AP3B1: variants seen among roughly 807,000 people sequenced by gnomAD.
The protein encoded by AP3B1 is adaptor related protein complex 3 subunit beta 1, also known as AP-3 complex subunit beta-1.
AP3B1 carries 61 observed loss-of-function variants against 132.5 expected under a neutral mutation model. The observed-to-expected ratio is 0.46, with a 90% confidence interval of 0.37 to 0.57. The LOEUF (loss-of-function observed/expected upper bound fraction) is 0.57. Among genes scored for constraint, AP3B1 ranks in the 20% least tolerant of loss-of-function variants. The probability of loss-of-function intolerance (pLI) is 0.00; values close to 1 mark genes in which losing one functional copy is unlikely to be tolerated. For missense variants in AP3B1, 1,120 were observed against 1,289.4 expected, an observed-to-expected ratio of 0.87 and a Z score of 2.01; for synonymous variants, 388 against 438.3, an observed-to-expected ratio of 0.89 and a Z score of 1.43.
intron 26 of AP3B1, among the ~76,000 whole-genome samples, chr5:78,011,486 C>G (rs1746625316): frequency 6.6e-6 from 1 of 152,210 alleles, no homozygotes. Flanking sequence ...AAAATTACAA[C>G]TAAAAATCAT....
At chr5:78,255,759 AG>A (rs1412128627) in intron 2 of AP3B1, among the ~76,000 whole-genome samples, 1 of 152,126 alleles carries the variant, frequency 6.6e-6, no homozygotes, top group Non-Finnish European at 1.5e-5. Context: ...ACATATTTAC[AG>A]AACCTTTTAT....
chr5:78,215,891 C>T (rs1256444371), intron 7 of AP3B1, among the ~76,000 whole-genome samples, 164 bp downstream of exon 7: 1 of 152,128 alleles, frequency 6.6e-6, no homozygotes, highest in Non-Finnish European at 1.5e-5. Context: ...ATTATGCTTG[C>T]ATTTATATTG....
chr5:78,261,686 G>A (rs926730285), intron 2 of AP3B1, among the ~76,000 whole-genome samples: 8 of 150,466 alleles, frequency 5.3e-5, no homozygotes, highest in African/African-American at 7.3e-5. Context: ...GGCTGGTCTC[G>A]AACTCCTGAC....
chr5:78,173,874 G>C (rs1744031144), intron 11 of AP3B1, among the ~76,000 whole-genome samples: 1 of 152,064 alleles, frequency 6.6e-6, no homozygotes, highest in East Asian at 1.9e-4. Flanking sequence ...TGGAGGCTTT[G>C]TTCATTTCTT....
intron 22 of AP3B1, among the ~76,000 whole-genome samples, chr5:78,071,549 T>A (rs1749545356): frequency 6.6e-6 from 1 of 152,126 alleles, no homozygotes; most frequent in South Asian, 2.1e-4. Flanking sequence ...TGCACATGTA[T>A]CCTGGAACTT....
downstream of AP3B1, chr5:78,002,307 T>C (rs1746220796): frequency 3.6e-6 from 1 of 281,362 alleles, no homozygotes; most frequent in East Asian, 6.1e-5. Flanking sequence ...TAGTTTCTCA[T>C]TAAAAATGCA....
intron 1 of AP3B1, among the ~76,000 whole-genome samples, chr5:78,292,575 A>G (rs1749572097): frequency 6.6e-6 from 1 of 152,168 alleles, no homozygotes; most frequent in Admixed American, 6.5e-5. Flanking sequence ...CCTTGCTCCA[A>G]TTTCCTCACG....
rs572466958 is a variant in AP3B1 at position 78,249,715 on chromosome 5, C to G, written c.205-8779G>C. 2.0e-5 allele frequency among the ~76,000 whole-genome samples: 3 copies of G among 151,302 alleles called. No individual in the cohort carries two copies. The South Asian group carries it at 6.3e-4, about 32-fold the overall frequency. On this transcript the variant is annotated intron_variant, in intron 2 of 26. Transcript: ENST00000255194. ...CTTTCTGCCTCAGCCTTCTGTGTAG[C>G]TGGGACCACAGGCACCCTCCACCAT...
At chr5:78,106,010 C>T (rs1409796263) in intron 20 of AP3B1, among the ~76,000 whole-genome samples, 1 of 152,192 alleles carries the variant, frequency 6.6e-6, no homozygotes, top group Non-Finnish European at 1.5e-5. Flanking sequence ...CCATTCCCAA[C>T]TAGGAGAAGT....
At chr5:78,192,134 A>G (rs2112434922) in intron 7 of AP3B1, among the ~76,000 whole-genome samples, 1 of 151,878 alleles carries the variant, frequency 6.6e-6, no homozygotes, top group East Asian at 2.0e-4. Context: ...TGCTGGGATT[A>G]CAGGTGTGAG....
intron 3 of AP3B1, among the ~76,000 whole-genome samples, chr5:78,239,672 G>C (rs1747036446): frequency 6.6e-6 from 1 of 150,962 alleles, no homozygotes; most frequent in South Asian, 2.1e-4. Flanking sequence ...CCAGCTACTT[G>C]TGGGGCTGAG....
intron 14 of AP3B1, among the ~76,000 whole-genome samples, chr5:78,147,794 C>T (rs1465333444): frequency 2.0e-5 from 3 of 152,076 alleles, no homozygotes; most frequent in Non-Finnish European, 2.9e-5. Context: ...CCCAGCACTT[C>T]GGGAGGCTGG....
chr5:78,097,367 T>C (rs1255134828), intron 21 of AP3B1, among the ~76,000 whole-genome samples: 118 of 76,254 alleles, frequency 1.5e-3, no homozygotes, highest in African/African-American at 3.2e-3. Flanking sequence ...CCAGCCGCCC[T>C]GTCCGGGAGG....
At chr5:78,196,402 A>T (rs2112443537) in intron 7 of AP3B1, among the ~76,000 whole-genome samples, 1 of 152,338 alleles carries the variant, frequency 6.6e-6, no homozygotes, top group South Asian at 2.1e-4. Context: ...AGTGACAGGA[A>T]CTCTCATTCA....
chr5:78,009,773 C>T (rs73768170), intron 26 of AP3B1, among the ~76,000 whole-genome samples: 40 of 15,036 alleles, frequency 2.7e-3, no homozygotes, highest in African/African-American at 0.012. Context: ...TTAAGATATA[C>T]GGGGGGGTGG....
chr5:78,050,252 CACTT>C (rs1473299730), intron 22 of AP3B1, among the ~76,000 whole-genome samples: 2 of 152,132 alleles, frequency 1.3e-5, no homozygotes, highest in Non-Finnish European at 1.5e-5. Context: ...TTTTTATAGA[CACTT>C]AATACCTTCT....
At chr5:78,232,745 C>T (rs922525576) in intron 3 of AP3B1, among the ~76,000 whole-genome samples, 8 of 152,016 alleles carry the variant, frequency 5.3e-5, no homozygotes, top group African/African-American at 1.9e-4. Flanking sequence ...CTTGTTCTGT[C>T]TCCCAGGCTG....
intron 22 of AP3B1, among the ~76,000 whole-genome samples, chr5:78,059,783 C>A (rs1748965132): frequency 6.6e-6 from 1 of 152,148 alleles, no homozygotes; most frequent in African/African-American, 2.4e-5. Flanking sequence ...GAACTGCCAT[C>A]ATTAAATTGA....
chr5:78,117,239 T>C (rs544030843), intron 17 of AP3B1, among the ~76,000 whole-genome samples: 1 of 152,076 alleles, frequency 6.6e-6, no homozygotes, highest in African/African-American at 2.4e-5. Context: ...ATCTACTTGT[T>C]TTTTTAACTG....
Sources: gnomAD v4.1 joint callset for allele counts (sites outside exome capture counted in the v4.1 genomes callset) on GRCh38, gnomAD v4.1.1 for gene constraint, MANE v1.5 for transcripts, NCBI Gene and HGNC (gene_info 2026-07-23, HGNC 2026-07-21) for gene names.